LUZP2: variants seen among roughly 807,000 people sequenced by gnomAD.
The protein encoded by LUZP2 is leucine zipper protein 2.
Under a neutral mutation model 51.6 loss-of-function variants are expected in LUZP2, and 52 were observed. The ratio of observed to expected loss-of-function variants is 1.01; its 90% CI spans 0.81 to 1.27. The LOEUF (loss-of-function observed/expected upper bound fraction) is 1.27, where lower values mean the gene tolerates loss of function less well. LUZP2 is among the 50% of genes most tolerant of loss of function. LUZP2 has a pLI of 0.00. For synonymous variants in LUZP2, 154 were observed against 137.3 expected (o/e 1.12, Z -0.85); for missense variants, 436 against 395.4 (o/e 1.10, Z -0.87).
chr11:24,918,629 G>A (rs190225051), intron 7 of LUZP2, among the ~76,000 whole-genome samples: 5 of 150,178 alleles, frequency 3.3e-5, no homozygotes, highest in Admixed American at 2.0e-4. Context: ...TTTGACAAAT[G>A]TAATTCTTTA....
At chr11:24,920,726 A>T (rs1854023652) in intron 7 of LUZP2, among the ~76,000 whole-genome samples, 1 of 152,066 alleles carries the variant, frequency 6.6e-6, no homozygotes, top group African/African-American at 2.4e-5. Flanking sequence ...TCACTTAAAA[A>T]TGGAAGCTAA....
intron 1 of LUZP2, among the ~76,000 whole-genome samples, chr11:24,572,661 G>C (rs973006161): frequency 6.6e-6 from 1 of 152,030 alleles, no homozygotes; most frequent in Non-Finnish European, 1.5e-5. Flanking sequence ...GAAGCCTGGA[G>C]ACTGTGAGAC....
At chr11:25,043,261 C>A (rs1464173191) in intron 9 of LUZP2, among the ~76,000 whole-genome samples, 1 of 152,106 alleles carries the variant, frequency 6.6e-6, no homozygotes, top group Non-Finnish European at 1.5e-5. Context: ...ATCATCAAAT[C>A]CTTTGTCATA....
intron 9 of LUZP2, among the ~76,000 whole-genome samples, chr11:24,990,021 A>T (rs970030072): frequency 1.3e-5 from 2 of 152,114 alleles, no homozygotes; most frequent in East Asian, 3.9e-4. Flanking sequence ...GATCATTTAA[A>T]ATATTGCCAC....
intron 1 of LUZP2, among the ~76,000 whole-genome samples, chr11:24,672,556 C>A (rs1187873214): frequency 6.6e-6 from 1 of 151,996 alleles, no homozygotes; most frequent in Non-Finnish European, 1.5e-5. Context: ...CATTGAAAAC[C>A]CCACTAGATA....
intron 4 of LUZP2, 56 bp downstream of exon 4, chr11:24,738,358 C>A: frequency 8.0e-7 from 1 of 1,253,208 alleles, no homozygotes. Flanking sequence ...TTGTTACTTT[C>A]TTTTTCCAAA....
chr11:24,986,721 T>C (rs1856199069), intron 9 of LUZP2, among the ~76,000 whole-genome samples: 1 of 151,746 alleles, frequency 6.6e-6, no homozygotes, highest in Non-Finnish European at 1.5e-5. Flanking sequence ...AATAGCATTC[T>C]GAAAAAACTC....
chr11:24,757,299 T>C (rs1459317800), intron 4 of LUZP2, among the ~76,000 whole-genome samples: 2 of 152,140 alleles, frequency 1.3e-5, no homozygotes, highest in Non-Finnish European at 2.9e-5. Context: ...TCAAAAATAT[T>C]AGTAGCACAT....
chr11:24,890,748 A>G (rs374565105), intron 5 of LUZP2, among the ~76,000 whole-genome samples: 12 of 152,316 alleles, frequency 7.9e-5, no homozygotes, highest in African/African-American at 2.6e-4. Context: ...TAAGAGTCAC[A>G]TGTTTAATAA....
intron 7 of LUZP2, 119 bp downstream of exon 7, chr11:24,914,657 C>A: frequency 1.5e-6 from 1 of 676,770 alleles, no homozygotes; most frequent in Non-Finnish European, 2.5e-6. Context: ...TTGCATTTGA[C>A]TGCATTAGAA....
At chr11:24,771,085 G>C (rs1361253170) in intron 5 of LUZP2, among the ~76,000 whole-genome samples, 3 of 152,128 alleles carry the variant, frequency 2.0e-5, no homozygotes, top group Non-Finnish European at 4.4e-5. Context: ...ATCTGACCTA[G>C]AGCCGCAATG....
At chr11:24,575,270 TTTC>T (rs1413906318) in intron 1 of LUZP2, among the ~76,000 whole-genome samples, 2 of 152,154 alleles carry the variant, frequency 1.3e-5, no homozygotes, top group African/African-American at 4.8e-5. Context: ...TAATTCTGCT[TTTC>T]TTATTGTCCA....
chr11:24,697,239 G>A (rs971094383), intron 1 of LUZP2, among the ~76,000 whole-genome samples: 1 of 152,168 alleles, frequency 6.6e-6, no homozygotes, highest in Non-Finnish European at 1.5e-5. Context: ...TGTCATTATT[G>A]TAAGCAGAAA....
intron 1 of LUZP2, among the ~76,000 whole-genome samples, chr11:24,536,513 T>C (rs1247824972): frequency 6.6e-6 from 1 of 151,842 alleles, no homozygotes; most frequent in Non-Finnish European, 1.5e-5. Context: ...CCTCTTTCCT[T>C]AAATCTTATG....
At chr11:24,999,034 C>CTCATCATATATA (rs1242077066) in intron 9 of LUZP2, among the ~76,000 whole-genome samples, 1 of 152,054 alleles carries the variant, frequency 6.6e-6, no homozygotes, top group Non-Finnish European at 1.5e-5. Flanking sequence ...TCTTAACTGC[C>CTCATCATATATA]TCATCATATA....
intron 7 of LUZP2, among the ~76,000 whole-genome samples, chr11:24,958,782 C>G (rs1279060939): frequency 6.6e-6 from 1 of 152,118 alleles, no homozygotes; most frequent in African/African-American, 2.4e-5. Context: ...TCAATTTTGG[C>G]TTTTGTTGCC....
rs183251792 is a variant in LUZP2 at position 25,065,264 on chromosome 11, T to G, written c.859-12065T>G. ...TGGCACACAGTCATCACCTGGTACA[T>G]CTTTATTAAGGGCCAAGTGAATGAA... On this transcript the variant is annotated intron_variant, in intron 10 of 11. Coordinates refer to ENST00000336930, the MANE Select transcript of LUZP2 (RefSeq NM_001009909.4). Among the ~76,000 whole-genome samples the G allele has an allele frequency of 5.1e-3, 777 of 152,138 alleles. 4 individuals carry two copies. Among genetic ancestry groups the G allele is most frequent in the Non-Finnish European group, 7.2e-3 (490 of 67,954 alleles).
intron 7 of LUZP2, among the ~76,000 whole-genome samples, chr11:24,948,656 A>G (rs763531742): frequency 1.3e-5 from 2 of 151,784 alleles, no homozygotes; most frequent in Non-Finnish European, 3.0e-5. Context: ...TATAGACAGT[A>G]TAACTCATGG....
At position 24,537,817 on chromosome 11, in the gene LUZP2, C is replaced by CA. The variant is rs752316255; in HGVS notation, c.62+40518dup. ...GGATATTTGCTATGACAAAAACTACCAAAAAATAGAGCTTTATCCTTAAAC... is the reference window on the plus strand; with the variant it reads ...GGATATTTGCTATGACAAAAACTACCAAAAAAATAGAGCTTTATCCTTAAAC... On this transcript the variant is annotated intron_variant, in intron 1 of 11. Coordinates refer to ENST00000336930, the MANE Select transcript of LUZP2 (RefSeq NM_001009909.4). Among the ~76,000 whole-genome samples the CA allele has an allele frequency of 1.3e-4, 20 of 151,684 alleles. No homozygotes were observed. In the East Asian group the frequency reaches 3.9e-3, roughly 29 times the overall value.
Sources: gnomAD v4.1 joint callset for allele counts (sites outside exome capture counted in the v4.1 genomes callset) on GRCh38, gnomAD v4.1.1 for gene constraint, MANE v1.5 for transcripts, NCBI Gene and HGNC (gene_info 2026-07-23, HGNC 2026-07-21) for gene names.